Variants in CPNE8 observed in about 807,000 individuals in gnomAD.
The protein encoded by CPNE8 is copine 8, also known as copine-8.
A neutral mutation model predicts 81.5 loss-of-function variants in CPNE8; 45 were observed. The observed-to-expected ratio is 0.55, with a 90% CI of 0.44 to 0.71. CPNE8 has a LOEUF of 0.71. CPNE8 is among the 30% of genes least tolerant of loss of function. CPNE8 has a pLI of 0.00. For missense variants in CPNE8, 594 were observed against 672.1 expected (o/e 0.88, Z 1.28); for synonymous variants, 252 against 226.3 (o/e 1.11, Z -1.02).
chr12:38,794,815 G>C (rs1296430324), intron 6 of CPNE8, among the ~76,000 whole-genome samples: 1 of 152,160 alleles, frequency 6.6e-6, no homozygotes, highest in Non-Finnish European at 1.5e-5. Flanking sequence ...ACAAAGTATT[G>C]TTGCTGGGAG....
At chr12:38,858,701 A>G (rs1943784341) in intron 3 of CPNE8, among the ~76,000 whole-genome samples, 2 of 152,174 alleles carry the variant, frequency 1.3e-5, no homozygotes, top group Admixed American at 1.3e-4. Context: ...GCTAGTCCTC[A>G]ATTTGGTCTA....
intron 19 of CPNE8, among the ~76,000 whole-genome samples, chr12:38,654,832 A>G (rs912194170): frequency 2.6e-5 from 4 of 152,192 alleles, no homozygotes; most frequent in Non-Finnish European, 5.9e-5. Flanking sequence ...AGAAATGAGT[A>G]TTACCCAATT....
At chr12:38,703,684 C>A (rs1565575004) in intron 13 of CPNE8, among the ~76,000 whole-genome samples, 1 of 152,096 alleles carries the variant, frequency 6.6e-6, no homozygotes, top group Non-Finnish European at 1.5e-5. Flanking sequence ...CCACTCGATT[C>A]TATACCTAGA....
chr12:38,817,740 C>A (rs986399008), intron 6 of CPNE8, among the ~76,000 whole-genome samples: 1 of 150,140 alleles, frequency 6.7e-6, no homozygotes, highest in East Asian at 2.0e-4. Context: ...TCTCCTGCCT[C>A]AGCCTCCCGA....
chr12:38,727,778 G>T (rs1940737928), intron 11 of CPNE8, among the ~76,000 whole-genome samples: 1 of 151,050 alleles, frequency 6.6e-6, no homozygotes, highest in African/African-American at 2.4e-5. Flanking sequence ...GCTTTTAAAA[G>T]CTCTGGCATA....
At chr12:38,760,287 T>G (rs1422404879) in intron 10 of CPNE8, among the ~76,000 whole-genome samples, 1 of 151,868 alleles carries the variant, frequency 6.6e-6, no homozygotes, top group Non-Finnish European at 1.5e-5. Context: ...AAACAAAATA[T>G]GCTTAAAAAA....
At chr12:38,901,809 T>G (rs1340589883) in intron 1 of CPNE8, among the ~76,000 whole-genome samples, 1 of 152,128 alleles carries the variant, frequency 6.6e-6, no homozygotes, top group Non-Finnish European at 1.5e-5. Flanking sequence ...CTCTCCCCTT[T>G]GTAATATACT....
intron 6 of CPNE8, among the ~76,000 whole-genome samples, chr12:38,797,130 A>G (rs535131072): frequency 1.3e-5 from 2 of 152,294 alleles, no homozygotes; most frequent in South Asian, 4.1e-4. Context: ...GCACAGACAA[A>G]CAAAAAGACA....
At chr12:38,704,453 A>G (rs1940035367) in intron 13 of CPNE8, among the ~76,000 whole-genome samples, 1 of 152,082 alleles carries the variant, frequency 6.6e-6, no homozygotes, top group South Asian at 2.1e-4. Flanking sequence ...ATGTTACAAA[A>G]TGCTCCTCAA....
intron 5 of CPNE8, among the ~76,000 whole-genome samples, chr12:38,838,350 T>C (rs1943418483): frequency 6.6e-6 from 1 of 151,954 alleles, no homozygotes; most frequent in African/African-American, 2.4e-5. Context: ...GAAAGAGAAA[T>C]GGAGAGAATA....
chr12:38,798,491 G>C (rs928162418), intron 6 of CPNE8, among the ~76,000 whole-genome samples: 28 of 151,928 alleles, frequency 1.8e-4, no homozygotes, highest in Non-Finnish European at 2.8e-4. Flanking sequence ...TTACAGACAA[G>C]CAAATGCTGA....
chr12:38,732,101 T>TAACA (rs944269798), intron 10 of CPNE8, among the ~76,000 whole-genome samples: 2 of 151,878 alleles, frequency 1.3e-5, no homozygotes, highest in Non-Finnish European at 2.9e-5. Context: ...GGTGGGAACC[T>TAACA]AACATAGGGG....
chr12:38,814,086 A>C (rs1942981715), intron 6 of CPNE8, among the ~76,000 whole-genome samples: 1 of 152,064 alleles, frequency 6.6e-6, no homozygotes, highest in Admixed American at 6.6e-5. Flanking sequence ...GAGCTGCAGC[A>C]TGAGGTAGAA....
chr12:38,816,385 A>C (rs1440709458), intron 6 of CPNE8, among the ~76,000 whole-genome samples: 8 of 152,168 alleles, frequency 5.3e-5, no homozygotes, highest in Admixed American at 2.0e-4. Flanking sequence ...TAAAGAAAGA[A>C]ATGGGGGAAG....
intron 1 of CPNE8, among the ~76,000 whole-genome samples, chr12:38,884,755 T>A (rs1382435276): frequency 1.3e-5 from 2 of 152,208 alleles, no homozygotes; most frequent in African/African-American, 4.8e-5. Context: ...ACATACCTGA[T>A]CACCACACGT....
chr12:38,784,927 G>C (rs975804723), intron 6 of CPNE8, among the ~76,000 whole-genome samples: 6 of 152,238 alleles, frequency 3.9e-5, no homozygotes, highest in African/African-American at 1.4e-4. Context: ...TGGTGCGGTG[G>C]CTCACGTCTA....
At chr12:38,736,584 A>C (rs1321456085) in intron 10 of CPNE8, among the ~76,000 whole-genome samples, 1 of 151,976 alleles carries the variant, frequency 6.6e-6, no homozygotes, top group Non-Finnish European at 1.5e-5. Flanking sequence ...TTTAAATTGC[A>C]TGTGTATCTA....
chr12:38,868,526 T>C (rs750526091), intron 3 of CPNE8, among the ~76,000 whole-genome samples: 2 of 152,116 alleles, frequency 1.3e-5, no homozygotes, highest in Non-Finnish European at 2.9e-5. Context: ...CACAAACTTG[T>C]AAGAAAATAG....
chr12:38,802,741 A>G (rs948209616), intron 6 of CPNE8, among the ~76,000 whole-genome samples: 1 of 150,852 alleles, frequency 6.6e-6, no homozygotes, highest in South Asian at 2.1e-4. Flanking sequence ...AAGGATCAAC[A>G]AAATTGATAG....
Sources: allele counts gnomAD v4.1 joint callset (sites outside exome capture counted in the v4.1 genomes callset), GRCh38; gene constraint gnomAD v4.1.1; transcripts MANE v1.5; gene names NCBI Gene and HGNC (gene_info 2026-07-23, HGNC 2026-07-21).